Variants in DNHD1 observed in about 807,000 individuals in gnomAD.
DNHD1 encodes dynein heavy chain domain 1.
Under a neutral mutation model 458.1 loss-of-function variants are expected in DNHD1, and 383 were observed. That is an observed-to-expected ratio of 0.84 (90% confidence interval 0.77 to 0.91). The LOEUF is 0.91. DNHD1 is among the 40% of genes least tolerant of loss of function. DNHD1 has a pLI of 0.00. For synonymous variants in DNHD1, 2,203 were observed against 2,376.9 expected (o/e 0.93, Z 2.13); for missense variants, 5,336 against 5,866.1 (o/e 0.91, Z 2.95).
chr11:6,528,986 G>A lies in DNHD1; in HGVS notation c.2212G>A (p.Gly738Ser). 1 of 1,551,614 alleles carries A rather than the reference G, an allele frequency of 6.4e-7. No homozygotes were observed. The highest frequency in any genetic ancestry group is 8.7e-7 in the Non-Finnish European group (1 of 1,146,974). ...GPQKLEDMRG[G>S]PIKNYVTLVS... ...TCAGAAGCTGGAAGACATGAGAGGT[G>A]GTCCCATCAAGAACTACGTGACGCT... is the stretch of plus-strand genomic sequence containing the variant. The change falls in exon 12 of 43, where the codon GGT (glycine) becomes AGT (serine). Residue 738 changes from glycine to serine, a missense_variant. Physicochemically the swap from Gly to Ser is moderately conservative, Grantham distance 56. This residue lies in a region of DNHD1 where 3,932 missense variants were observed against 4,365.6 expected (regional missense o/e 0.90). Coordinates refer to ENST00000254579, the MANE Select transcript of DNHD1 (RefSeq NM_144666.3).
chr11:6,551,749 T>G (rs1853351553), intron 24 of DNHD1, among the ~76,000 whole-genome samples: 1 of 152,210 alleles, frequency 6.6e-6, no homozygotes, highest in East Asian at 1.9e-4. Flanking sequence ...GAGACCATCC[T>G]GGCCAACATG....
intron 39 of DNHD1, among the ~76,000 whole-genome samples, chr11:6,569,752 G>A (rs1039270955): frequency 2.6e-5 from 4 of 152,174 alleles, no homozygotes; most frequent in East Asian, 3.9e-4. Flanking sequence ...GGGGTGAAGA[G>A]GAAGGAGGTG....
chr11:6,528,611 C>T lies in DNHD1; in HGVS notation c.1927C>T (p.Pro643Ser), dbSNP rs571394965. ...PSDAVSIFCG[P>S]NVGLVWPWKS... Reference sequence around the variant, plus strand: ...CGATGCTGTGAGCATCTTCTGTGGCCCGAATGTGGGATTGGTGTGGCCCTG... The same window carrying T: ...CGATGCTGTGAGCATCTTCTGTGGCTCGAATGTGGGATTGGTGTGGCCCTG... The change falls in exon 11 of 43, where the codon CCG (proline) becomes TCG (serine). Residue 643 changes from proline to serine, a missense_variant. Pro to Ser is a moderately conservative substitution (Grantham distance 74, BLOSUM62 -1). Coordinates refer to ENST00000254579, the MANE Select transcript of DNHD1 (RefSeq NM_144666.3). The T allele has an allele frequency of 7.7e-5, 120 of 1,551,666 alleles. No individual in the cohort carries two copies. The South Asian group carries it at 1.3e-3, about 17-fold the overall frequency.
chr11:6,563,905 A>G lies in DNHD1; in HGVS notation c.10065A>G (p.Ala3355=). 6.4e-7 allele frequency: 1 copy of G among 1,551,694 alleles called. No homozygotes were observed. The change falls in exon 31 of 43, where the codon GCA becomes GCG. Residue 3355 remains alanine, a synonymous_variant. Coordinates refer to ENST00000254579, the MANE Select transcript of DNHD1 (RefSeq NM_144666.3). ...ACCTGCTGCTGCAGCAAGTGGAGGC[A>G]ACACTCACTCGGGAGCAGGCCCGCC... ...PTDLLLQQVE[A]TLTREQARLG...
In DNHD1 at chr11:6,508,902, C is replaced by A; in HGVS notation, c.943C>A (p.Pro315Thr). The stretch of plus-strand genomic sequence containing the variant: ...AAGGCCTTACAGCCTGATGGTGGTG[C>A]CACCCGACAAGGTGAATCCCGAGCA... ...YFRPYSLMVVPPDKVNPEHYI... is the reference protein window; with the variant it reads ...YFRPYSLMVVTPDKVNPEHYI... The change falls in exon 5 of 43, where the codon CCA becomes ACA. Residue 315 changes from proline to threonine, a missense_variant. By Grantham distance (38) the Pro-to-Thr change is conservative (BLOSUM62 -1). This residue lies in a region of DNHD1 where 3,932 missense variants were observed against 4,365.6 expected (regional missense o/e 0.90). Coordinates refer to ENST00000254579, the MANE Select transcript of DNHD1 (RefSeq NM_144666.3). The A allele has an allele frequency of 6.2e-7, 1 of 1,614,110 alleles. No individual in the cohort carries two copies. The highest frequency in any genetic ancestry group is 8.5e-7 in the Non-Finnish European group (1 of 1,180,024).
intron 7 of DNHD1, among the ~76,000 whole-genome samples, chr11:6,514,477 C>T (rs1418092034): frequency 1.4e-5 from 2 of 147,992 alleles, no homozygotes; most frequent in South Asian, 2.1e-4. Context: ...TCCCTCCTTT[C>T]CTTTCCTTTC....
chr11:6,542,905 C>T (rs1259045613), intron 18 of DNHD1, among the ~76,000 whole-genome samples: 3 of 152,218 alleles, frequency 2.0e-5, no homozygotes, highest in Admixed American at 1.3e-4. Context: ...AGTGAGACTT[C>T]GTGCTACCTC....
chr11:6,546,979 G>T lies in DNHD1; in HGVS notation c.6040G>T (p.Ala2014Ser). 6.4e-7 allele frequency: 1 copy of T among 1,551,526 alleles called. No individual in the cohort carries two copies. The highest frequency in any genetic ancestry group is 8.7e-7 in the Non-Finnish European group (1 of 1,146,972). Residue 2014 changes from alanine (A) to serine (S), a missense_variant, in exon 21 of 43, where the codon GCC becomes TCC. By Grantham distance (99) the Ala-to-Ser change is moderately conservative. Transcript: ENST00000254579. ...ATTTAAGATCCAGAATCGGCTGGCA[G>T]CCATGGAGGACACCTCAACCCAAGG... ...SLFKIQNRLA[A>S]MEDTSTQGCQ... is the part of the protein sequence containing the mutation.
At chr11:6,528,478 C>A in intron 10 of DNHD1, 44 bp from the exon 11 acceptor site, 1 of 1,518,270 alleles carries the variant, frequency 6.6e-7, no homozygotes. Context: ...TGTTTGTGGG[C>A]TCTGGAGGGT....
chr11:6,564,623 A>G lies in DNHD1; in HGVS notation c.10575A>G (p.Gly3525=). The G allele has an allele frequency of 6.4e-7, 1 of 1,551,724 alleles. No homozygotes were observed. The highest frequency in any genetic ancestry group is 8.7e-7 in the Non-Finnish European group (1 of 1,147,004). Residue 3525 remains glycine (G), a synonymous_variant, in exon 32 of 43, where the codon GGA becomes GGG. Transcript: ENST00000254579. ...AATCGGAGCAGTACCAGTGGGATGG[A>G]AACCTGAAGCCACAGGCAAAGTCGG... ...SSESEQYQWD[G]NLKPQAKSAH... is the part of the protein sequence containing the mutation.
intron 10 of DNHD1, among the ~76,000 whole-genome samples, chr11:6,522,992 A>C (rs947494186): frequency 6.6e-6 from 1 of 152,192 alleles, no homozygotes; most frequent in Non-Finnish European, 1.5e-5. Flanking sequence ...ATGTCCTTAC[A>C]ATTTTATCGG....
rs1844761212 is a variant in DNHD1, at chr11:6,558,795, G to A, written c.9211+102G>A. The A allele has an allele frequency of 2.7e-6, 4 of 1,500,504 alleles. No individual in the cohort carries two copies. The South Asian group carries it at 4.8e-5, about 18-fold the overall frequency. The allele number at this position is 1,500,504 out of a possible 1,614,324, so 92.9% of individuals were successfully genotyped here. On this transcript the variant is annotated intron_variant, in intron 26 of 42. Transcript: ENST00000254579. ...TCTCTCCCTCTCTAGAGCCTACAGA[G>A]CCCCCTTCACATTTCCTACCCTTCT...
At chr11:6,549,228 C>A (rs1350984135) in intron 24 of DNHD1, among the ~76,000 whole-genome samples, 1 of 152,112 alleles carries the variant, frequency 6.6e-6, no homozygotes, top group East Asian at 1.9e-4. Context: ...TACCTCAGAC[C>A]CAACCCTGAG....
intron 4 of DNHD1, among the ~76,000 whole-genome samples, chr11:6,504,548 C>G (rs886530732): frequency 6.6e-6 from 1 of 152,234 alleles, no homozygotes; most frequent in African/African-American, 2.4e-5. Context: ...CTCCCTGGTT[C>G]AAGCGATTCT....
intron 18 of DNHD1, among the ~76,000 whole-genome samples, chr11:6,542,253 A>C (rs1853111004): frequency 6.6e-6 from 1 of 152,128 alleles, no homozygotes. Flanking sequence ...CCCATCTCTG[A>C]CCCTGGTTCC....
intron 7 of DNHD1, among the ~76,000 whole-genome samples, chr11:6,512,820 C>T (rs1852373347): frequency 6.6e-6 from 1 of 152,014 alleles, no homozygotes; most frequent in Admixed American, 6.6e-5. Flanking sequence ...TGATGTATCC[C>T]AGGAACCTAG....
chr11:6,530,021 A>G (rs1242936202), intron 12 of DNHD1, among the ~76,000 whole-genome samples: 1 of 152,166 alleles, frequency 6.6e-6, no homozygotes, highest in Non-Finnish European at 1.5e-5. Context: ...CTGGCTATCA[A>G]TTCTCTGCTA....
rs1033991203 is a variant in DNHD1 at position 6,568,242 on chromosome 11, G to T, written c.12538G>T (p.Val4180Leu). 1.9e-6 allele frequency: 3 copies of T among 1,547,694 alleles called. No individual in the cohort carries two copies. Among genetic ancestry groups the T allele is most frequent in the Non-Finnish European group, 2.6e-6 (3 of 1,143,934 alleles). Residue 4180 changes from valine to leucine, a missense_variant and splice_region_variant, in exon 37 of 43, where the codon GTG (valine) becomes TTG (leucine). Val to Leu is a conservative substitution (Grantham distance 32, BLOSUM62 1). Coordinates refer to ENST00000254579, the MANE Select transcript of DNHD1 (RefSeq NM_144666.3). ...GCTGGAACTGTTAGGCAGAGCCAAG[G>T]GTGAGTTTATTGCCTAGATTGGCTT... ...LLLELLGRAK[V>L]VADLESEQLL... is the part of the protein sequence containing the mutation.
Position 6,499,892 on chromosome 11 carries a change from G to A in DNHD1, c.746+931G>A, listed in dbSNP as rs1852100640. Among the ~76,000 whole-genome samples, 4 of 151,186 alleles carry A rather than the reference G, an allele frequency of 2.6e-5. No homozygotes were observed. The South Asian group carries it at 8.4e-4, about 32-fold the overall frequency. ...TATTGTTTTCTTTTTTAAAATATCT[G>A]GCTATCAGAGCTCTCTACAGGATTT... On this transcript the variant is annotated intron_variant, in intron 3 of 42. Coordinates refer to ENST00000254579, the MANE Select transcript of DNHD1 (RefSeq NM_144666.3).
Sources: gnomAD v4.1 joint callset for allele counts (sites outside exome capture counted in the v4.1 genomes callset) on GRCh38, gnomAD v4.1.1 for gene constraint, gnomAD v4.1.1 regional missense constraint, MANE v1.5 for transcripts, NCBI Gene and HGNC (gene_info 2026-07-23, HGNC 2026-07-21) for gene names.